The following RPS6KA2 variants were observed in gnomAD, a reference collection of about 807,000 sequenced individuals.
RPS6KA2 encodes the protein ribosomal protein S6 kinase A2, also known as ribosomal protein S6 kinase alpha-2.
Under a neutral mutation model 91.8 loss-of-function variants are expected in RPS6KA2, and 42 were observed. That is an observed-to-expected ratio of 0.46 (90% CI 0.36 to 0.59). The LOEUF (loss-of-function observed/expected upper bound fraction) is 0.59, where lower values mean the gene tolerates loss of function less well. RPS6KA2 is among the 20% of genes least tolerant of loss of function. The pLI is 0.00. For synonymous variants in RPS6KA2, 414 were observed against 393.6 expected, an observed-to-expected ratio of 1.05 and a Z score of -0.61; for missense variants, 798 against 978.5, an observed-to-expected ratio of 0.82 and a Z score of 2.46.
intron 2 of RPS6KA2, among the ~76,000 whole-genome samples, chr6:166,711,804 C>CA (rs969434438): frequency 2.7e-5 from 4 of 149,602 alleles, no homozygotes; most frequent in African/African-American, 9.9e-5. Context: ...GAGAGAGAGA[C>CA]AGAGGAGAAA....
intron 2 of RPS6KA2, among the ~76,000 whole-genome samples, chr6:166,843,087 G>T (rs558233813): frequency 6.6e-6 from 1 of 152,230 alleles, no homozygotes; most frequent in Non-Finnish European, 1.5e-5. Context: ...GGCTGCATGG[G>T]AGCAGGGTGA....
At chr6:166,653,577 C>T (rs998904927) in intron 2 of RPS6KA2, among the ~76,000 whole-genome samples, 1 of 152,202 alleles carries the variant, frequency 6.6e-6, no homozygotes, top group African/African-American at 2.4e-5. Context: ...TTACTAATAA[C>T]CAGAAATACA....
At chr6:166,641,260 A>G (rs1582975605) in intron 2 of RPS6KA2, among the ~76,000 whole-genome samples, 1 of 152,206 alleles carries the variant, frequency 6.6e-6, no homozygotes, top group African/African-American at 2.4e-5. Flanking sequence ...TACAGATAGC[A>G]AAGGTTAGGA....
chr6:166,477,254 G>A (rs1192248512), intron 10 of RPS6KA2, among the ~76,000 whole-genome samples: 1 of 152,130 alleles, frequency 6.6e-6, no homozygotes, highest in African/African-American at 2.4e-5. Flanking sequence ...AAAGCTTGAT[G>A]ATAACTCACT....
intron 2 of RPS6KA2, chr6:166,702,244 A>G: frequency 1.9e-6 from 3 of 1,612,870 alleles, no homozygotes; most frequent in South Asian, 2.2e-5. Context: ...ACAGAGGCAA[A>G]TCACATGGTT....
intron 13 of RPS6KA2, 126 bp downstream of exon 13, chr6:166,450,977 T>G: frequency 9.1e-7 from 1 of 1,099,760 alleles, no homozygotes. Flanking sequence ...AGGGAAGAAT[T>G]GGTGATTAAA....
chr6:166,625,925 G>C (rs886555255), intron 1 of RPS6KA2, among the ~76,000 whole-genome samples: 9 of 152,198 alleles, frequency 5.9e-5, no homozygotes, highest in Non-Finnish European at 1.2e-4. Context: ...AATGGTTACA[G>C]AACCCATGTC....
chr6:166,716,752 G>A (rs572265196), intron 2 of RPS6KA2, among the ~76,000 whole-genome samples: 7 of 152,254 alleles, frequency 4.6e-5, no homozygotes, highest in African/African-American at 1.4e-4. Flanking sequence ...AAAAGCAAAC[G>A]TGAAAATTTA....
At chr6:166,425,384 C>T (rs371118993) in intron 16 of RPS6KA2, among the ~76,000 whole-genome samples, 7 of 151,340 alleles carry the variant, frequency 4.6e-5, no homozygotes, top group Non-Finnish European at 5.9e-5. Context: ...AGGAAGAAAC[C>T]GCATCAACTA....
In RPS6KA2 at chr6:166,412,840, G is replaced by C. The variant is rs765562681; in HGVS notation, c.2124C>G (p.Ala708=). Residue 708 remains alanine, a synonymous_variant, in exon 21 of 21, where the codon GCC becomes GCG. Transcript: ENST00000265678. The surrounding 1 kb of genome is among the most constrained non-coding windows in gnomAD (Gnocchi z 4.3). ...ATGACAGCACGGGCTCCAGCCGCGG[G>C]GCCTGAGGTGTTCTGTTTAGAGCAA... ...TYFALNRTPQ[A]PRLEPVLSSN... is the part of the protein sequence containing the mutation. The C allele has an allele frequency of 1.9e-6, 3 of 1,571,722 alleles. No homozygotes were observed. The South Asian group carries it at 3.5e-5, about 18-fold the overall frequency.
At chr6:166,531,394 C>A in intron 2 of RPS6KA2, 81 bp from the exon 3 acceptor site, 5 of 1,075,860 alleles carry the variant, frequency 4.6e-6, no homozygotes, top group South Asian at 1.3e-5. Flanking sequence ...AGGGGATACA[C>A]AAGGAAGTTT....
intron 2 of RPS6KA2, among the ~76,000 whole-genome samples, chr6:166,689,390 CT>C (rs1244271076): frequency 6.6e-6 from 1 of 152,248 alleles, no homozygotes; most frequent in Admixed American, 6.5e-5. Flanking sequence ...GTGTGCGTGG[CT>C]TCCCAACGTG....
intron 2 of RPS6KA2, among the ~76,000 whole-genome samples, chr6:166,807,230 G>A (rs1779514462): frequency 6.6e-6 from 1 of 152,164 alleles, no homozygotes. Flanking sequence ...AAGACATTTA[G>A]ACATGTGGCT....
At chr6:166,451,262 G>A (rs767688158) in intron 12 of RPS6KA2, 29 bp from the exon 13 acceptor site, 2 of 1,612,080 alleles carry the variant, frequency 1.2e-6, no homozygotes, top group Admixed American at 3.3e-5. Context: ...GAGTTCAGAT[G>A]CCACGAAAGC....
At chr6:166,706,849 A>G (rs1221561850) in intron 2 of RPS6KA2, among the ~76,000 whole-genome samples, 1 of 152,244 alleles carries the variant, frequency 6.6e-6, no homozygotes, top group Non-Finnish European at 1.5e-5. Flanking sequence ...AATAGTATTA[A>G]ACAAGAAGAG....
chr6:166,601,743 A>G (rs1048937345), intron 1 of RPS6KA2, among the ~76,000 whole-genome samples: 6 of 152,156 alleles, frequency 3.9e-5, no homozygotes, highest in Non-Finnish European at 8.8e-5. Flanking sequence ...ACACTACACA[A>G]AGAATGCAAG....
In RPS6KA2 at chr6:166,596,138, G is replaced by A. The variant is rs201256162; in HGVS notation, c.99+30783C>T. ...TTGATGTGCAGGAGGTTTGGAAGGC[G>A]GGGCGGCCTCCAGACAGGGGTCACA... On this transcript the variant is annotated intron_variant, in intron 1 of 20. Transcript: ENST00000265678. 3.4e-4 allele frequency among the ~76,000 whole-genome samples: 52 copies of A among 152,344 alleles called. No homozygotes were observed. In the East Asian group the frequency reaches 3.7e-3, roughly 11 times the overall value.
intron 2 of RPS6KA2, among the ~76,000 whole-genome samples, chr6:166,680,744 A>G (rs1214034479): frequency 1.3e-5 from 2 of 152,206 alleles, no homozygotes; most frequent in Non-Finnish European, 2.9e-5. Context: ...CTGAAGGAAC[A>G]AGCTCCAGAC....
chr6:166,710,485 AGTGTGTGTGT>A (rs66993073), intron 2 of RPS6KA2, among the ~76,000 whole-genome samples: 10 of 149,876 alleles, frequency 6.7e-5, no homozygotes, highest in Non-Finnish European at 1.0e-4. Context: ...GTGTTGTGTG[AGTGTGTGTGT>A]GTGTGTGTGT....
Sources: gnomAD v4.1 joint callset for allele counts (sites outside exome capture counted in the v4.1 genomes callset) on GRCh38, gnomAD v4.1.1 for gene constraint, Gnocchi (gnomAD v3.1) non-coding constraint, MANE v1.5 for transcripts, NCBI Gene and HGNC (gene_info 2026-07-23, HGNC 2026-07-21) for gene names.